The following PRKG1 variants were observed in gnomAD, a reference collection of about 807,000 sequenced individuals.
The protein encoded by PRKG1 is cGMP-dependent protein kinase 1.
A neutral mutation model predicts 88.1 loss-of-function variants in PRKG1; 35 were observed. The ratio of observed to expected loss-of-function variants is 0.40; its 90% CI spans 0.30 to 0.53. PRKG1 has a LOEUF of 0.53. Ranked by LOEUF, PRKG1 falls within the 20% of genes least tolerant of loss-of-function variation. The probability of loss-of-function intolerance (pLI) is 0.59; values close to 1 mark genes in which losing one functional copy is unlikely to be tolerated. For missense variants in PRKG1, 540 were observed against 839.8 expected (o/e 0.64, Z 4.41); for synonymous variants, 303 against 292.5 (o/e 1.04, Z -0.37).
intron 3 of PRKG1, among the ~76,000 whole-genome samples, chr10:51,702,296 C>CG (rs1564613798): frequency 6.6e-6 from 1 of 152,120 alleles, no homozygotes; most frequent in East Asian, 1.9e-4. Context: ...GTCATGCCCC[C>CG]GTTCATACAG....
Position 50,991,754 on chromosome 10 carries a change from C to A in PRKG1, c.266+110C>A. On this transcript the variant is annotated intron_variant, in intron 1 of 17. Coordinates refer to the PRKG1 transcript ENST00000401604. The surrounding 1 kb of genome is among the most constrained non-coding windows in gnomAD (Gnocchi z 4.5). ...GTCGGCCCAGGGCGCCCCCTGCTCGCTGCGGCGCGCGGAGTGGGGGTGGCC... is the reference window on the plus strand; with the variant it reads ...GTCGGCCCAGGGCGCCCCCTGCTCGATGCGGCGCGCGGAGTGGGGGTGGCC... 1.2e-6 allele frequency: 1 copy of A among 856,822 alleles called. No homozygotes were observed. The highest frequency in any genetic ancestry group is 1.4e-6 in the Non-Finnish European group (1 of 701,304). 53.1% of individuals were successfully genotyped at this position (856,822 alleles called of 1,614,324 possible). A position where few individuals can be genotyped will look rare whatever the true frequency, so the allele number is the denominator to read the frequency against.
chr10:51,247,740 T>C (rs1187163600), intron 2 of PRKG1, among the ~76,000 whole-genome samples: 1 of 151,910 alleles, frequency 6.6e-6, no homozygotes, highest in Admixed American at 6.6e-5. Flanking sequence ...TATTGCTGTG[T>C]CTTTTCTTTC....
intron 5 of PRKG1, among the ~76,000 whole-genome samples, chr10:51,914,714 A>G (rs1214693283): frequency 6.6e-6 from 1 of 152,148 alleles, no homozygotes; most frequent in Admixed American, 6.5e-5. Flanking sequence ...TTTGATTTGC[A>G]ATTTTGCATG....
intron 3 of PRKG1, among the ~76,000 whole-genome samples, chr10:51,576,974 T>C (rs1340456991): frequency 6.6e-6 from 1 of 151,942 alleles, no homozygotes; most frequent in Admixed American, 6.6e-5. Flanking sequence ...TTCACTTATG[T>C]TGCTCACTTC....
chr10:51,755,132 CT>C (rs1837826011), intron 3 of PRKG1, among the ~76,000 whole-genome samples: 2 of 152,036 alleles, frequency 1.3e-5, no homozygotes, highest in Admixed American at 1.3e-4. Context: ...TTAACCAATT[CT>C]GAACTTCTTA....
At position 51,682,593 on chromosome 10, in the gene PRKG1, A is replaced by G. The variant is rs145139625; in HGVS notation, c.593-121992A>G. Among the ~76,000 whole-genome samples the G allele has an allele frequency of 3.9e-5, 6 of 152,258 alleles. No homozygotes were observed. In the East Asian group the frequency reaches 1.2e-3, roughly 29 times the overall value. On this transcript the variant is annotated intron_variant, in intron 3 of 17. Transcript: ENST00000373980. ...TGTTTGGTTGGTTGGTTGTTTTTTA[A>G]GGAATAATAATAACTGGCACATATC... is the stretch of plus-strand genomic sequence containing the variant.
chr10:51,084,682 C>A (rs1400767333), intron 1 of PRKG1, among the ~76,000 whole-genome samples: 1 of 152,066 alleles, frequency 6.6e-6, no homozygotes, highest in East Asian at 1.9e-4. Context: ...AAAAACAGAT[C>A]TAATGTTATT....
intron 9 of PRKG1, among the ~76,000 whole-genome samples, chr10:52,238,819 G>A (rs919532804): frequency 3.0e-4 from 45 of 150,450 alleles, no homozygotes; most frequent in Admixed American, 1.5e-3. Flanking sequence ...TCCCATTACT[G>A]GGTATATACC....
intron 2 of PRKG1, among the ~76,000 whole-genome samples, chr10:51,284,047 T>C (rs1840370059): frequency 6.6e-6 from 1 of 152,136 alleles, no homozygotes; most frequent in African/African-American, 2.4e-5. Flanking sequence ...AAGAAAGAGA[T>C]TTGACTGTGA....
chr10:51,404,859 G>C (rs1837861819), intron 2 of PRKG1, among the ~76,000 whole-genome samples: 1 of 152,126 alleles, frequency 6.6e-6, no homozygotes, highest in African/African-American at 2.4e-5. Context: ...CTTAAGCAGT[G>C]CTTTAGGAAA....
At chr10:51,133,570 C>T (rs555100153) in intron 1 of PRKG1, among the ~76,000 whole-genome samples, 8 of 152,182 alleles carry the variant, frequency 5.3e-5, no homozygotes, top group Non-Finnish European at 1.2e-4. Context: ...TTTCTGCAGC[C>T]ACTCTGCTGG....
chr10:52,098,329 T>A (rs908728782), intron 7 of PRKG1, among the ~76,000 whole-genome samples: 1 of 152,204 alleles, frequency 6.6e-6, no homozygotes, highest in African/African-American at 2.4e-5. Context: ...TGTCCCTGAA[T>A]TACTGATGGA....
intron 1 of PRKG1, among the ~76,000 whole-genome samples, chr10:51,044,844 C>G (rs1843467291): frequency 6.6e-6 from 1 of 152,108 alleles, no homozygotes; most frequent in Non-Finnish European, 1.5e-5. Context: ...CAAGGAAATA[C>G]TTTGAAAACT....
intron 5 of PRKG1, among the ~76,000 whole-genome samples, chr10:51,968,555 G>A (rs549001013): frequency 1.3e-5 from 2 of 151,968 alleles, no homozygotes; most frequent in Non-Finnish European, 2.9e-5. Context: ...AGGCATGGTG[G>A]TTCATGCCTG....
At chr10:51,627,116 A>C (rs1256804969) in intron 3 of PRKG1, among the ~76,000 whole-genome samples, 1 of 152,204 alleles carries the variant, frequency 6.6e-6, no homozygotes, top group Non-Finnish European at 1.5e-5. Flanking sequence ...AAAAGGAGTC[A>C]CGGTGACTTT....
intron 1 of PRKG1, among the ~76,000 whole-genome samples, chr10:51,109,116 C>T: frequency 6.6e-6 from 1 of 151,884 alleles, no homozygotes; most frequent in East Asian, 1.9e-4. Flanking sequence ...ATATAAAATA[C>T]ATTCATGTGC....
intron 2 of PRKG1, among the ~76,000 whole-genome samples, chr10:51,176,493 T>A (rs1245043423): frequency 6.6e-6 from 1 of 152,096 alleles, no homozygotes; most frequent in Non-Finnish European, 1.5e-5. Flanking sequence ...ATGTGGATAA[T>A]AAATGTACCT....
intron 1 of PRKG1, among the ~76,000 whole-genome samples, chr10:51,017,134 G>C (rs962806113): frequency 1.3e-5 from 2 of 151,986 alleles, no homozygotes; most frequent in African/African-American, 4.8e-5. Flanking sequence ...TTAGGATACT[G>C]CTTAAGTACA....
At chr10:51,727,488 A>G (rs925712632) in intron 3 of PRKG1, among the ~76,000 whole-genome samples, 7 of 152,090 alleles carry the variant, frequency 4.6e-5, no homozygotes, top group African/African-American at 1.4e-4. Context: ...TTCTATTGAA[A>G]TTAATGTTTT....
Sources: gnomAD v4.1 joint callset for allele counts (sites outside exome capture counted in the v4.1 genomes callset) on GRCh38, gnomAD v4.1.1 for gene constraint, Gnocchi (gnomAD v3.1) non-coding constraint, MANE v1.5 for transcripts, NCBI Gene and HGNC (gene_info 2026-07-23, HGNC 2026-07-21) for gene names.